The following ADGRB3 variants were observed in gnomAD, a reference collection of about 807,000 sequenced individuals.
The protein encoded by ADGRB3 is brain-specific angiogenesis inhibitor 3.
In ADGRB3, 37 loss-of-function variants were observed where a neutral mutation model predicts 193.4. That is an observed-to-expected ratio of 0.19 (90% CI 0.15 to 0.25). The LOEUF (loss-of-function observed/expected upper bound fraction) is 0.25, where lower values mean the gene tolerates loss of function less well. Ranked by LOEUF, ADGRB3 falls within the 10% of genes least tolerant of loss-of-function variation. The pLI is 1.00. For missense variants in ADGRB3, 1,637 were observed against 1,852.9 expected (o/e 0.88, Z 2.14); for synonymous variants, 690 against 644.2 (o/e 1.07, Z -1.08).
At chr6:68,902,649 A>T (rs1766428695) in intron 3 of ADGRB3, among the ~76,000 whole-genome samples, 1 of 152,106 alleles carries the variant, frequency 6.6e-6, no homozygotes, top group Non-Finnish European at 1.5e-5. Flanking sequence ...CCAATAATTA[A>T]GGCCTTATAG....
intron 20 of ADGRB3, among the ~76,000 whole-genome samples, chr6:69,264,245 A>G (rs1214846695): frequency 4.6e-5 from 7 of 152,002 alleles, no homozygotes; most frequent in Non-Finnish European, 8.8e-5. Flanking sequence ...TAAAACTAGG[A>G]TATCTGTGAT....
chr6:68,961,412 C>A (rs1006943662), intron 8 of ADGRB3, among the ~76,000 whole-genome samples: 2 of 152,122 alleles, frequency 1.3e-5, no homozygotes, highest in African/African-American at 2.4e-5. Context: ...TCTTATCCCC[C>A]ACAGGTATTA....
At chr6:69,279,453 T>C (rs1767384782) in intron 20 of ADGRB3, among the ~76,000 whole-genome samples, 1 of 107,862 alleles carries the variant, frequency 9.3e-6, no homozygotes, top group Non-Finnish European at 2.1e-5. Flanking sequence ...TCAAGAATGC[T>C]GTGTGTGTGT....
intron 3 of ADGRB3, among the ~76,000 whole-genome samples, chr6:68,769,690 C>T (rs906106298): frequency 1.3e-5 from 2 of 151,888 alleles, no homozygotes; most frequent in African/African-American, 2.4e-5. Flanking sequence ...AGTACACACA[C>T]ACAAAATAAA....
chr6:68,932,206 G>A (rs1236718629), intron 4 of ADGRB3, among the ~76,000 whole-genome samples: 1 of 152,122 alleles, frequency 6.6e-6, no homozygotes, highest in Non-Finnish European at 1.5e-5. Flanking sequence ...GAGATGGCAG[G>A]CATTGGTTTA....
intron 3 of ADGRB3, among the ~76,000 whole-genome samples, chr6:68,723,440 C>T (rs1384582962): frequency 6.6e-6 from 1 of 151,722 alleles, no homozygotes; most frequent in Non-Finnish European, 1.5e-5. Flanking sequence ...GATAGGTTAG[C>T]TCACAGAGGG....
intron 3 of ADGRB3, among the ~76,000 whole-genome samples, chr6:68,840,354 A>G (rs1430840527): frequency 1.5e-5 from 2 of 135,948 alleles, no homozygotes; most frequent in African/African-American, 2.8e-5. Flanking sequence ...GCAGTGGAGT[A>G]AGGCACTGGG....
intron 3 of ADGRB3, among the ~76,000 whole-genome samples, chr6:68,775,566 T>A (rs984773061): frequency 1.3e-5 from 2 of 152,180 alleles, no homozygotes; most frequent in African/African-American, 2.4e-5. Flanking sequence ...CAAGGTTAAA[T>A]GAGTTAATAC....
At chr6:68,922,373 T>A (rs1229059552) in intron 3 of ADGRB3, among the ~76,000 whole-genome samples, 2 of 152,226 alleles carry the variant, frequency 1.3e-5, no homozygotes, top group Non-Finnish European at 2.9e-5. Context: ...TATTAGGCAA[T>A]CTGAGATTTC....
At chr6:68,665,063 A>G (rs1231626555) in intron 3 of ADGRB3, among the ~76,000 whole-genome samples, 1 of 151,760 alleles carries the variant, frequency 6.6e-6, no homozygotes, top group Non-Finnish European at 1.5e-5. Context: ...CTTCACCTTC[A>G]GCCTTCTTTA....
At chr6:69,258,546 TA>T (rs1157040910) in intron 20 of ADGRB3, among the ~76,000 whole-genome samples, 1 of 152,280 alleles carries the variant, frequency 6.6e-6, no homozygotes, top group Non-Finnish European at 1.5e-5. Context: ...TTTATGTATT[TA>T]AAATGTTAGG....
At position 68,656,041 on chromosome 6, in the gene ADGRB3, C is replaced by T. The variant is rs556240412; in HGVS notation, c.757+16609C>T. 1.5e-4 allele frequency among the ~76,000 whole-genome samples: 22 copies of T among 151,594 alleles called. 1 individual carries two copies. The South Asian group carries it at 4.6e-3, about 31-fold the overall frequency. On this transcript the variant is annotated intron_variant, in intron 3 of 31. Coordinates refer to ENST00000370598, the MANE Select transcript of ADGRB3 (RefSeq NM_001704.3). ...AACCAAAGTATAATTTATGTCTTGG[C>T]CTGTATTGAATGCCTTTTTCCTCCT...
At chr6:69,293,962 G>C (rs974343473) in intron 20 of ADGRB3, among the ~76,000 whole-genome samples, 13 of 151,940 alleles carry the variant, frequency 8.6e-5, no homozygotes, top group Admixed American at 2.6e-4. Flanking sequence ...CCTTTTCCAG[G>C]GGGGAGGGTA....
intron 3 of ADGRB3, among the ~76,000 whole-genome samples, chr6:68,847,172 T>C (rs1207234697): frequency 6.6e-6 from 1 of 152,182 alleles, no homozygotes; most frequent in Non-Finnish European, 1.5e-5. Flanking sequence ...ATTTACCCAA[T>C]ACCCATACCC....
At chr6:68,883,439 G>A (rs1765793929) in intron 3 of ADGRB3, among the ~76,000 whole-genome samples, 1 of 152,174 alleles carries the variant, frequency 6.6e-6, no homozygotes, top group African/African-American at 2.4e-5. Flanking sequence ...CCACGTTGTA[G>A]GAGCTTTGTT....
intron 17 of ADGRB3, among the ~76,000 whole-genome samples, chr6:69,099,076 C>T (rs1772962867): frequency 6.6e-6 from 1 of 152,100 alleles, no homozygotes; most frequent in Non-Finnish European, 1.5e-5. Context: ...TTCATACTCC[C>T]CAGGGGACAT....
intron 3 of ADGRB3, among the ~76,000 whole-genome samples, chr6:68,800,840 A>G (rs2127370854): frequency 6.6e-6 from 1 of 152,270 alleles, no homozygotes; most frequent in Admixed American, 6.5e-5. Flanking sequence ...ACAGGTACAA[A>G]CAGCTGCTGT....
At chr6:69,357,646 A>C (rs1324845167) in intron 28 of ADGRB3, among the ~76,000 whole-genome samples, 1 of 151,938 alleles carries the variant, frequency 6.6e-6, no homozygotes, top group Non-Finnish European at 1.5e-5. Context: ...TGTCATGATC[A>C]CAAGAATATG....
chr6:69,354,982 T>C (rs1021901347), intron 27 of ADGRB3, among the ~76,000 whole-genome samples: 4 of 152,174 alleles, frequency 2.6e-5, no homozygotes, highest in African/African-American at 9.6e-5. Context: ...AGTTTTACTT[T>C]TACAGTATAT....
Sources: gnomAD v4.1 joint callset for allele counts (sites outside exome capture counted in the v4.1 genomes callset) on GRCh38, gnomAD v4.1.1 for gene constraint, MANE v1.5 for transcripts, NCBI Gene and HGNC (gene_info 2026-07-23, HGNC 2026-07-21) for gene names.